Variants in NTAQ1 observed in about 807,000 individuals in gnomAD.
NTAQ1 encodes the protein N-terminal glutamine amidase 1, also known as protein N-terminal glutamine amidohydrolase.
NTAQ1 carries 21 observed loss-of-function variants against 28.2 expected under a neutral mutation model. The ratio of observed to expected loss-of-function variants is 0.74; its 90% confidence interval spans 0.53 to 1.07. The LOEUF (loss-of-function observed/expected upper bound fraction) is 1.07, where lower values mean the gene tolerates loss of function less well. Among genes scored for constraint, NTAQ1 ranks in the 50% least tolerant of loss-of-function variants. The pLI is 0.00. For synonymous variants in NTAQ1, 105 were observed against 90.0 expected (o/e 1.17, Z -0.94); for missense variants, 264 against 256.6 (o/e 1.03, Z -0.20).
downstream of NTAQ1, chr8:123,448,199 G>A (rs968021700): frequency 1.3e-4 from 20 of 152,214 alleles, no homozygotes; most frequent in Admixed American, 1.2e-3. Context: ...ACAAACTTAT[G>A]TATTTTTTAA....
Position 123,436,618 on chromosome 8 carries a change from T to A in NTAQ1, c.383+17T>A, listed in dbSNP as rs772295527. 36 of 1,599,994 alleles carry A rather than the reference T, an allele frequency of 2.3e-5. No individual in the cohort carries two copies. The highest frequency in any genetic ancestry group is 2.9e-5 in the Non-Finnish European group (34 of 1,175,134). Reference sequence around the variant, plus strand: ...GTTTAGGAGGTGAGGACATTCAAGATGGATTTACTTATTTTCTGAAGTAAG... The same window carrying A: ...GTTTAGGAGGTGAGGACATTCAAGAAGGATTTACTTATTTTCTGAAGTAAG... On this transcript the variant is annotated intron_variant, in intron 4 of 5. Transcript: ENST00000287387.
intron 2 of NTAQ1, among the ~76,000 whole-genome samples, chr8:123,429,585 C>G (rs973139394): frequency 3.3e-5 from 5 of 151,876 alleles, no homozygotes; most frequent in Non-Finnish European, 4.4e-5. Context: ...CCTGTCTTGG[C>G]CAGGTGCGGT....
At chr8:123,435,716 A>C (rs1814663720) in intron 3 of NTAQ1, among the ~76,000 whole-genome samples, 1 of 151,820 alleles carries the variant, frequency 6.6e-6, no homozygotes, top group Non-Finnish European at 1.5e-5. Context: ...AAAATACAAA[A>C]ATTAGCTGGG....
intron 4 of NTAQ1, 112 bp downstream of exon 4, chr8:123,436,713 C>A: frequency 9.0e-7 from 1 of 1,113,622 alleles, no homozygotes; most frequent in Non-Finnish European, 1.3e-6. Flanking sequence ...TCTGACATCA[C>A]CATTGAGTTG....
intron 2 of NTAQ1, among the ~76,000 whole-genome samples, chr8:123,429,549 C>T (rs13253452): frequency 6.6e-6 from 1 of 152,038 alleles, no homozygotes; most frequent in Non-Finnish European, 1.5e-5. Context: ...AGCCACTGCA[C>T]TCCAGCCAGG....
chr8:123,441,604 C>A lies in NTAQ1; in HGVS notation c.*189C>A. 1.7e-6 allele frequency: 1 copy of A among 604,432 alleles called. No homozygotes were observed. Among genetic ancestry groups the A allele is most frequent in the Non-Finnish European group, 2.9e-6 (1 of 342,300 alleles). 37.4% of individuals were successfully genotyped at this position (604,432 alleles called of 1,614,324 possible). On this transcript the variant is annotated 3_prime_UTR_variant, in exon 6 of 6. Coordinates refer to ENST00000287387, the MANE Select transcript of NTAQ1 (RefSeq NM_018024.3). ...CATAAAAACTTTTGTTTTGACATGT[C>A]AAATTGAAACTTGATAAAGTGCGTA...
downstream of NTAQ1, among the ~76,000 whole-genome samples, chr8:123,443,636 G>A (rs1405475290): frequency 1.3e-5 from 2 of 152,128 alleles, no homozygotes; most frequent in Non-Finnish European, 2.9e-5. Context: ...GAGCACTGGT[G>A]TGATCTCTGC....
chr8:123,460,111 A>G (rs1815776908), intron 6 of NTAQ1, among the ~76,000 whole-genome samples: 1 of 151,986 alleles, frequency 6.6e-6, no homozygotes, highest in South Asian at 2.1e-4. Flanking sequence ...AATGTACGTG[A>G]TTTTTATTTC....
intron 3 of NTAQ1, among the ~76,000 whole-genome samples, chr8:123,436,015 A>C (rs1299221907): frequency 6.7e-6 from 1 of 150,366 alleles, no homozygotes. Flanking sequence ...TAAAAATACA[A>C]AAAATTAGCT....
intron 3 of NTAQ1, among the ~76,000 whole-genome samples, chr8:123,434,121 G>A (rs1481191264): frequency 3.3e-5 from 5 of 151,846 alleles, no homozygotes; most frequent in Middle Eastern, 3.4e-3. Context: ...GGAACCAGGC[G>A]CTTACCTGCT....
Position 123,432,835 on chromosome 8 carries a change from AC to A in NTAQ1, c.234+2803del, listed in dbSNP as rs1814479807. On this transcript the variant is annotated intron_variant, in intron 3 of 5. Transcript: ENST00000287387. ...AGCTGGAATTACAGGCATGTGGCAC[AC>A]GCCTGGCTAATTTTTTTATTTTTAG... Among the ~76,000 whole-genome samples, 3 of 151,882 alleles carry A rather than the reference AC, an allele frequency of 2.0e-5. No homozygotes were observed. In the East Asian group the frequency reaches 5.9e-4, roughly 30 times the overall value.
At chr8:123,422,878 A>G (rs1049563022) in intron 1 of NTAQ1, among the ~76,000 whole-genome samples, 1 of 152,172 alleles carries the variant, frequency 6.6e-6, no homozygotes, top group African/African-American at 2.4e-5. Flanking sequence ...CAGCTATCCC[A>G]GCATCATTTA....
chr8:123,448,476 G>A (rs1276175659), downstream of NTAQ1, among the ~76,000 whole-genome samples: 1 of 152,180 alleles, frequency 6.6e-6, no homozygotes, highest in Non-Finnish European at 1.5e-5. Context: ...AGCCAGGTAT[G>A]GTGGCGCATG....
downstream of NTAQ1, among the ~76,000 whole-genome samples, chr8:123,449,929 A>ATGTGTGTGTGTGTGTGTGTG (rs368162793): frequency 1.3e-3 from 84 of 66,692 alleles, 4 homozygotes; most frequent in African/African-American, 4.7e-3. Flanking sequence ...GTATATATAT[A>ATGTGTGTGTGTGTGTGTGTG]TGTGTGTGTG....
exon 7 of NTAQ1, among the ~76,000 whole-genome samples, chr8:123,467,457 A>C: frequency 6.6e-6 from 1 of 152,238 alleles, no homozygotes; most frequent in East Asian, 1.9e-4. Context: ...AATGGGATTT[A>C]AGTACCATTT....
chr8:123,455,987 T>TTA (rs1815639633), intron 6 of NTAQ1, among the ~76,000 whole-genome samples: 1 of 152,188 alleles, frequency 6.6e-6, no homozygotes, highest in African/African-American at 2.4e-5. Context: ...GCTAATACTC[T>TTA]TGATTTAGGC....
At chr8:123,448,587 C>G (rs1815371139), downstream of NTAQ1, among the ~76,000 whole-genome samples, 1 of 152,206 alleles carries the variant, frequency 6.6e-6, no homozygotes, top group South Asian at 2.1e-4. Flanking sequence ...CCACTGCACT[C>G]CAGCCTGGGC....
chr8:123,421,080 C>T (rs1169067627), intron 1 of NTAQ1, among the ~76,000 whole-genome samples: 9 of 65,296 alleles, frequency 1.4e-4, no homozygotes, highest in Non-Finnish European at 2.1e-4. Flanking sequence ...CTGCCGTACC[C>T]GGCCTATTTA....
At chr8:123,445,568 C>G (rs547180599), downstream of NTAQ1, among the ~76,000 whole-genome samples, 2 of 151,924 alleles carry the variant, frequency 1.3e-5, no homozygotes, top group East Asian at 1.9e-4. Flanking sequence ...GTTTATGTGT[C>G]TTCATAAAAA....
Sources: allele counts gnomAD v4.1 joint callset (sites outside exome capture counted in the v4.1 genomes callset), GRCh38; gene constraint gnomAD v4.1.1; transcripts MANE v1.5; gene names NCBI Gene and HGNC (gene_info 2026-07-23, HGNC 2026-07-21).